Variants in AOPEP observed in about 807,000 individuals in gnomAD.
AOPEP encodes the protein aminopeptidase O.
AOPEP carries 77 observed loss-of-function variants against 98.1 expected under a neutral mutation model. The ratio of observed to expected loss-of-function variants is 0.78; its 90% CI spans 0.65 to 0.95. The LOEUF is 0.95. AOPEP is among the 40% of genes least tolerant of loss of function. The pLI is 0.00. For synonymous variants in AOPEP, 346 were observed against 365.3 expected, an observed-to-expected ratio of 0.95 and a Z score of 0.60; for missense variants, 1,024 against 1,024.7, an observed-to-expected ratio of 1.00 and a Z score of 0.01.
At chr9:94,949,774 C>T (rs114715198) in intron 7 of AOPEP, among the ~76,000 whole-genome samples, 2,162 of 152,264 alleles carry the variant, frequency 0.014, 60 homozygotes, top group African/African-American at 0.049. Flanking sequence ...AAATTGTCAC[C>T]GAAAACAAAC....
chr9:94,943,623 A>G (rs2057273236), intron 7 of AOPEP, among the ~76,000 whole-genome samples: 1 of 148,848 alleles, frequency 6.7e-6, no homozygotes, highest in Non-Finnish European at 1.5e-5. Context: ...AAAAGAAAAA[A>G]AAAGGATCAA....
chr9:95,007,372 C>T (rs2062108686), intron 13 of AOPEP, among the ~76,000 whole-genome samples: 1 of 92,302 alleles, frequency 1.1e-5, no homozygotes, highest in African/African-American at 3.7e-5. Context: ...TCCTGAGAAT[C>T]GGGGTGGGGA....
chr9:95,028,525 A>G (rs1270856527), intron 13 of AOPEP, among the ~76,000 whole-genome samples: 3 of 152,260 alleles, frequency 2.0e-5, no homozygotes, highest in Non-Finnish European at 4.4e-5. Flanking sequence ...ACACAGTTTT[A>G]ATATTGACTC....
At chr9:95,074,853 G>T (rs1364297454) in intron 14 of AOPEP, among the ~76,000 whole-genome samples, 1 of 152,218 alleles carries the variant, frequency 6.6e-6, no homozygotes, top group Non-Finnish European at 1.5e-5. Context: ...CTGCTTGTCT[G>T]CTGCCCAGCG....
intron 14 of AOPEP, among the ~76,000 whole-genome samples, chr9:95,073,686 A>G (rs1485368960): frequency 6.6e-6 from 1 of 152,078 alleles, no homozygotes; most frequent in Non-Finnish European, 1.5e-5. Context: ...GTGAAACCCC[A>G]TCTCTACTAA....
intron 16 of AOPEP, chr9:95,086,139 G>A: frequency 7.4e-7 from 1 of 1,356,618 alleles, no homozygotes; most frequent in South Asian, 1.2e-5. Flanking sequence ...CGAGGCTCAG[G>A]AGAGCTGGGG....
intron 5 of AOPEP, among the ~76,000 whole-genome samples, chr9:94,862,952 G>A (rs772950762): frequency 6.6e-5 from 10 of 152,194 alleles, no homozygotes; most frequent in Non-Finnish European, 1.0e-4. Context: ...CAGTGTGTTC[G>A]TCGAGTAATA....
At chr9:94,744,065 T>G (rs894675572) in intron 1 of AOPEP, among the ~76,000 whole-genome samples, 5 of 152,012 alleles carry the variant, frequency 3.3e-5, no homozygotes, top group African/African-American at 1.2e-4. Context: ...GAGGGAGGAA[T>G]GGAGTGGGGT....
intron 13 of AOPEP, among the ~76,000 whole-genome samples, chr9:95,050,042 A>G (rs971457625): frequency 6.6e-6 from 1 of 152,244 alleles, no homozygotes; most frequent in East Asian, 1.9e-4. Flanking sequence ...TCATAGCAGT[A>G]AAGTGACGTT....
At chr9:94,731,753 T>C (rs1439421205) in intron 1 of AOPEP, among the ~76,000 whole-genome samples, 3 of 151,574 alleles carry the variant, frequency 2.0e-5, no homozygotes, top group Admixed American at 6.6e-5. Context: ...AGGTTTTTTT[T>C]CCCCCTGCCT....
chr9:95,030,253 A>G (rs769912570), intron 13 of AOPEP, among the ~76,000 whole-genome samples: 13 of 152,226 alleles, frequency 8.5e-5, no homozygotes, highest in Non-Finnish European at 1.5e-4. Flanking sequence ...AAGAATAATT[A>G]TTGAAGAAGA....
chr9:94,970,508 T>A (rs2059469544), intron 10 of AOPEP, among the ~76,000 whole-genome samples: 1 of 152,040 alleles, frequency 6.6e-6, no homozygotes, highest in Non-Finnish European at 1.5e-5. Context: ...TGTTTCTACC[T>A]TTTCATGTTC....
chr9:94,825,293 A>G (rs189628889), intron 5 of AOPEP, among the ~76,000 whole-genome samples: 42 of 152,322 alleles, frequency 2.8e-4, no homozygotes, highest in Non-Finnish European at 5.6e-4. Flanking sequence ...CCAGCCCCGC[A>G]TCCTGCTGTT....
chr9:94,809,866 T>TCCCTTCAGCTGCCTGGGCC (rs1221190059), intron 5 of AOPEP: 1 of 154,978 alleles, frequency 6.5e-6, no homozygotes, highest in Non-Finnish European at 1.5e-5. Context: ...TGCCCTGGGC[T>TCCCTTCAGCTGCCTGGGCC]CCCTTCAGCT....
rs1227029524 is a variant in AOPEP at position 94,812,996 on chromosome 9, GTT to G, written c.1364+11995_1364+11996del. 4.6e-5 allele frequency among the ~76,000 whole-genome samples: 7 copies of G among 152,124 alleles called. No homozygotes were observed. The East Asian group carries it at 1.4e-3, about 29-fold the overall frequency. ...TGGATATGAGCTCCATCCTGCCTTTGTTACAAGCAGGTTTTTAGAGGCAAAAA... is the reference window on the plus strand; with the variant it reads ...TGGATATGAGCTCCATCCTGCCTTTGACAAGCAGGTTTTTAGAGGCAAAAA... On this transcript the variant is annotated intron_variant, in intron 5 of 16. Transcript: ENST00000375315.
intron 13 of AOPEP, among the ~76,000 whole-genome samples, chr9:95,016,129 CTTT>C (rs751229648): frequency 6.9e-6 from 1 of 145,948 alleles, no homozygotes; most frequent in Non-Finnish European, 1.5e-5. Flanking sequence ...TTGCATTAAG[CTTT>C]TTTTTTTTTT....
At chr9:95,141,923 T>C in the AOPEP span, among the ~76,000 whole-genome samples, 3 of 150,958 alleles carry the variant, frequency 2.0e-5, no homozygotes, top group Non-Finnish European at 4.4e-5. Context: ...CTACACATTG[T>C]CAAAAATAAT....
chr9:94,961,983 T>C (rs1053346438), intron 9 of AOPEP, among the ~76,000 whole-genome samples: 1 of 152,208 alleles, frequency 6.6e-6, no homozygotes, highest in Non-Finnish European at 1.5e-5. Context: ...TGTTTTTCTC[T>C]CCCTCTGAGC....
chr9:95,144,909 C>T, the AOPEP span, among the ~76,000 whole-genome samples: 2 of 152,126 alleles, frequency 1.3e-5, no homozygotes, highest in East Asian at 1.9e-4. Context: ...CCAAACATAA[C>T]GCTCGGACTC....
Sources: gnomAD v4.1 joint callset for allele counts (sites outside exome capture counted in the v4.1 genomes callset) on GRCh38, gnomAD v4.1.1 for gene constraint, MANE v1.5 for transcripts, NCBI Gene and HGNC (gene_info 2026-07-23, HGNC 2026-07-21) for gene names.